LURAP1L: variants seen among roughly 807,000 people sequenced by gnomAD.
LURAP1L encodes leucine rich adaptor protein 1 like.
Under a neutral mutation model 13.8 loss-of-function variants are expected in LURAP1L, and 12 were observed. The observed-to-expected ratio is 0.87, with a 90% confidence interval of 0.56 to 1.41. The LOEUF (loss-of-function observed/expected upper bound fraction) is 1.41. Ranked by LOEUF, LURAP1L falls within the 40% of genes most tolerant of loss-of-function variation. The pLI is 0.00. For synonymous variants in LURAP1L, 139 were observed against 119.2 expected (o/e 1.17, Z -1.08); for missense variants, 375 against 292.9 (o/e 1.28, Z -2.04).
chr9:12,804,081 A>G (rs1411859258), intron 1 of LURAP1L, among the ~76,000 whole-genome samples: 1 of 152,190 alleles, frequency 6.6e-6, no homozygotes, highest in African/African-American at 2.4e-5. Flanking sequence ...TAAATTATGT[A>G]TTTAATAAAT....
chr9:12,776,404 A>G (rs1425446319), intron 1 of LURAP1L, among the ~76,000 whole-genome samples: 55 of 152,104 alleles, frequency 3.6e-4, no homozygotes, highest in Non-Finnish European at 4.9e-4. Context: ...CGCTGTTAAC[A>G]CTTCGGGTAG....
chr9:12,818,113 G>T, intron 1 of LURAP1L, among the ~76,000 whole-genome samples: 1 of 145,120 alleles, frequency 6.9e-6, no homozygotes, highest in African/African-American at 2.6e-5. Flanking sequence ...AATGGCCTGT[G>T]AATGTTTTGC....
chr9:12,820,942 A>G, intron 1 of LURAP1L, among the ~76,000 whole-genome samples: 1 of 152,138 alleles, frequency 6.6e-6, no homozygotes, highest in East Asian at 1.9e-4. Flanking sequence ...TCACTCCATA[A>G]TCAGAGGCTT....
chr9:12,820,920 C>T (rs183581343), intron 1 of LURAP1L, among the ~76,000 whole-genome samples: 5 of 152,162 alleles, frequency 3.3e-5, no homozygotes, highest in Admixed American at 6.5e-5. Context: ...TATGATGGTG[C>T]TTGGCACATT....
intron 1 of LURAP1L, among the ~76,000 whole-genome samples, chr9:12,813,967 G>A (rs1195057718): frequency 6.6e-6 from 1 of 152,118 alleles, no homozygotes; most frequent in Non-Finnish European, 1.5e-5. Flanking sequence ...AACATTCTCT[G>A]AAATCAGTTG....
chr9:12,780,925 T>G (rs1322776926), intron 1 of LURAP1L, among the ~76,000 whole-genome samples: 1 of 152,126 alleles, frequency 6.6e-6, no homozygotes, highest in Non-Finnish European at 1.5e-5. Context: ...TATCATATCT[T>G]TGTGTTACAA....
chr9:12,775,477 C>T lies in LURAP1L; in HGVS notation c.-239C>T, dbSNP rs929888908. On this transcript the variant is annotated 5_prime_UTR_variant, in exon 1 of 2. Coordinates refer to ENST00000319264, the MANE Select transcript of LURAP1L (RefSeq NM_203403.2). Reference sequence around the variant, plus strand: ...AGAGAGAGAATGAGGAGATCTTGATCATCTTAGTGTCGGAGGAGTCGCAGC... The same window carrying T: ...AGAGAGAGAATGAGGAGATCTTGATTATCTTAGTGTCGGAGGAGTCGCAGC... The T allele has an allele frequency of 1.2e-5, 6 of 488,838 alleles. No homozygotes were observed. The highest frequency in any genetic ancestry group is 8.1e-5 in the African/African-American group (4 of 49,532). 30.3% of individuals were successfully genotyped at this position (488,838 alleles called of 1,614,324 possible).
At position 12,797,197 on chromosome 9, in the gene LURAP1L, A is replaced by T. The variant is rs116130696; in HGVS notation, c.312+21170A>T. Among the ~76,000 whole-genome samples the T allele has an allele frequency of 4.9e-3, 753 of 152,128 alleles. 7 individuals carry two copies. Among genetic ancestry groups the T allele is most frequent in the African/African-American group, 0.017 (700 of 41,540 alleles). On this transcript the variant is annotated intron_variant, in intron 1 of 1. Coordinates refer to ENST00000319264, the MANE Select transcript of LURAP1L (RefSeq NM_203403.2). ...CTTGCTATTTCTGTGATCCACCAAGAGCTTTACTTATGGAAACTATACTTA... is the reference window on the plus strand; with the variant it reads ...CTTGCTATTTCTGTGATCCACCAAGTGCTTTACTTATGGAAACTATACTTA...
chr9:12,787,224 A>C (rs539894819), intron 1 of LURAP1L, among the ~76,000 whole-genome samples: 1 of 152,074 alleles, frequency 6.6e-6, no homozygotes, highest in South Asian at 2.1e-4. Flanking sequence ...ATACAACCAT[A>C]CCTAGTTTTA....
intron 1 of LURAP1L, among the ~76,000 whole-genome samples, chr9:12,779,375 G>C (rs1026385185): frequency 2.1e-5 from 3 of 145,460 alleles, no homozygotes; most frequent in South Asian, 4.4e-4. Flanking sequence ...CCCAGGTTCA[G>C]GCCATTCTCC....
intron 1 of LURAP1L, among the ~76,000 whole-genome samples, chr9:12,809,090 C>G (rs1015867481): frequency 1.3e-5 from 2 of 152,092 alleles, no homozygotes; most frequent in Admixed American, 1.3e-4. Context: ...TTTTAAACAA[C>G]CAGGACTCAC....
chr9:12,775,736 A>G lies in LURAP1L; in HGVS notation c.21A>G (p.Pro7=). 6.3e-7 allele frequency: 1 copy of G among 1,588,734 alleles called. No individual in the cohort carries two copies. Among genetic ancestry groups the G allele is most frequent in the East Asian group, 2.2e-5 (1 of 44,576 alleles). Residue 7 remains proline (P), a synonymous_variant, in exon 1 of 2, where the codon CCA becomes CCG. Coordinates refer to ENST00000319264, the MANE Select transcript of LURAP1L (RefSeq NM_203403.2). MEDSPL[P]DLRDIELKLG... ...AAGTCATGGAAGACAGCCCGCTGCC[A>G]GACCTCAGAGACATCGAGCTGAAGC...
At chr9:12,776,157 T>G in intron 1 of LURAP1L, 130 bp downstream of exon 1, 1 of 945,364 alleles carries the variant, frequency 1.1e-6, no homozygotes, top group Non-Finnish European at 1.6e-6. Flanking sequence ...TGGGAAATGC[T>G]GGGTGGAGGA....
intron 1 of LURAP1L, among the ~76,000 whole-genome samples, chr9:12,790,385 A>T (rs1382574590): frequency 6.6e-6 from 1 of 152,182 alleles, no homozygotes; most frequent in African/African-American, 2.4e-5. Flanking sequence ...GAATTAAAGT[A>T]TTCCTTAATC....
intron 1 of LURAP1L, among the ~76,000 whole-genome samples, chr9:12,799,836 T>G (rs1819560020): frequency 7.1e-6 from 1 of 141,566 alleles, no homozygotes; most frequent in South Asian, 2.2e-4. Context: ...ATCGTGCCAC[T>G]GCACTCCAGC....
chr9:12,782,982 A>G (rs1459127912), intron 1 of LURAP1L, among the ~76,000 whole-genome samples: 2 of 152,036 alleles, frequency 1.3e-5, no homozygotes, highest in African/African-American at 4.8e-5. Context: ...GTTATTTTAA[A>G]TGGGATTACT....
At chr9:12,781,701 T>C (rs1019487575) in intron 1 of LURAP1L, among the ~76,000 whole-genome samples, 2 of 152,232 alleles carry the variant, frequency 1.3e-5, no homozygotes, top group African/African-American at 4.8e-5. Flanking sequence ...CTATTGTGAA[T>C]AGTGCTGCAA....
chr9:12,818,132 A>T (rs1431097319), intron 1 of LURAP1L, among the ~76,000 whole-genome samples: 1 of 83,762 alleles, frequency 1.2e-5, no homozygotes, highest in African/African-American at 7.9e-5. Flanking sequence ...GCTTCCACTA[A>T]AAAAAAAAAA....
intron 1 of LURAP1L, among the ~76,000 whole-genome samples, chr9:12,810,711 T>G (rs532336113): frequency 6.6e-6 from 1 of 152,290 alleles, no homozygotes; most frequent in Admixed American, 6.5e-5. Context: ...AATGAATAAA[T>G]CACTAGATTG....
Sources: allele counts gnomAD v4.1 joint callset (sites outside exome capture counted in the v4.1 genomes callset), GRCh38; gene constraint gnomAD v4.1.1; transcripts MANE v1.5; gene names NCBI Gene and HGNC (gene_info 2026-07-23, HGNC 2026-07-21).